Variants in CAMK2D observed in about 807,000 individuals in gnomAD.
CAMK2D encodes calcium/calmodulin dependent protein kinase II delta, also known as calcium/calmodulin-dependent protein kinase type II subunit delta.
CAMK2D carries 37 observed loss-of-function variants against 84.0 expected under a neutral mutation model. The observed-to-expected ratio is 0.44, with a 90% CI of 0.34 to 0.58. CAMK2D has a LOEUF of 0.58. Among genes scored for constraint, CAMK2D ranks in the 20% least tolerant of loss-of-function variants. CAMK2D has a pLI of 0.02. For synonymous variants in CAMK2D, 202 were observed against 212.5 expected (o/e 0.95, Z 0.43); for missense variants, 448 against 652.5 (o/e 0.69, Z 3.41).
At chr4:113,760,524 T>G in intron 1 of CAMK2D, among the ~76,000 whole-genome samples, 1 of 152,112 alleles carries the variant, frequency 6.6e-6, no homozygotes, top group East Asian at 1.9e-4. Flanking sequence ...CATCAATAAA[T>G]ATGGCACCGT....
chr4:113,571,958 A>G (rs1353829304), intron 4 of CAMK2D, among the ~76,000 whole-genome samples: 4 of 152,234 alleles, frequency 2.6e-5, no homozygotes, highest in Non-Finnish European at 5.9e-5. Flanking sequence ...ACTCTCGAAA[A>G]ACTTCAAGAG....
chr4:113,734,883 T>A, intron 2 of CAMK2D, among the ~76,000 whole-genome samples: 1 of 142,858 alleles, frequency 7.0e-6, no homozygotes, highest in Admixed American at 6.8e-5. Flanking sequence ...TACTCCTAAG[T>A]TTAGGAAAAT....
chr4:113,652,098 C>G (rs2099175454), intron 3 of CAMK2D, among the ~76,000 whole-genome samples: 2 of 152,126 alleles, frequency 1.3e-5, no homozygotes, highest in Admixed American at 1.3e-4. Flanking sequence ...CAGAGTTATA[C>G]AGCAGCGATA....
intron 2 of CAMK2D, among the ~76,000 whole-genome samples, chr4:113,668,800 T>A (rs924958536): frequency 1.3e-5 from 2 of 152,130 alleles, no homozygotes; most frequent in Non-Finnish European, 2.9e-5. Flanking sequence ...GAAAAAACTA[T>A]TATTTGTCTG....
At chr4:113,651,298 T>C (rs1029692933) in intron 3 of CAMK2D, among the ~76,000 whole-genome samples, 1 of 152,220 alleles carries the variant, frequency 6.6e-6, no homozygotes, top group Non-Finnish European at 1.5e-5. Flanking sequence ...ATGATTTTGT[T>C]AAACTGATGT....
rs921467373 is a variant in CAMK2D, at chr4:113,479,782, C to T, written c.1136-14178G>A. Among the ~76,000 whole-genome samples, 7 of 152,276 alleles carry T rather than the reference C, an allele frequency of 4.6e-5. No individual in the cohort carries two copies. The East Asian group carries it at 1.3e-3, about 29-fold the overall frequency. ...AATAGAAACGATGTTTAAAAACACA[C>T]ACACAGTTCTCTCTGGATTTATGGA... On this transcript the variant is annotated intron_variant, in intron 16 of 20. Coordinates refer to ENST00000511664, the MANE Select transcript of CAMK2D (RefSeq NM_001321571.2).
intron 2 of CAMK2D, among the ~76,000 whole-genome samples, chr4:113,697,377 G>A (rs1474352460): frequency 6.6e-6 from 1 of 152,074 alleles, no homozygotes; most frequent in Non-Finnish European, 1.5e-5. Context: ...TTGGAAAAGT[G>A]GAGGAAGAGC....
At chr4:113,509,758 C>A (rs975201602) in intron 12 of CAMK2D, 83 bp from the exon 13 acceptor site, 2 of 925,854 alleles carry the variant, frequency 2.2e-6, no homozygotes, top group Non-Finnish European at 3.5e-6. Context: ...GTTATTGTCT[C>A]CTTCTACCAC....
intron 4 of CAMK2D, among the ~76,000 whole-genome samples, chr4:113,561,634 C>G (rs1295113973): frequency 6.6e-6 from 1 of 152,156 alleles, no homozygotes. Context: ...TTAAGTCAAT[C>G]TAGACATTTT....
At chr4:113,643,088 C>A (rs1484331929) in intron 3 of CAMK2D, among the ~76,000 whole-genome samples, 1 of 152,142 alleles carries the variant, frequency 6.6e-6, no homozygotes, top group Non-Finnish European at 1.5e-5. Context: ...TCCTATAAAT[C>A]AAGATTAGAA....
intron 17 of CAMK2D, 120 bp downstream of exon 17, chr4:113,465,409 A>ATTGT: frequency 1.5e-6 from 1 of 656,492 alleles, no homozygotes. Flanking sequence ...AAATAAAACT[A>ATTGT]TTGTTAACAT....
At chr4:113,717,301 TA>T (rs1423387370) in intron 2 of CAMK2D, among the ~76,000 whole-genome samples, 1 of 152,068 alleles carries the variant, frequency 6.6e-6, no homozygotes, top group Non-Finnish European at 1.5e-5. Flanking sequence ...AAATGTTTAT[TA>T]AAAAAATAAG....
intron 13 of CAMK2D, among the ~76,000 whole-genome samples, chr4:113,505,509 T>G (rs1433749519): frequency 6.6e-6 from 1 of 152,210 alleles, no homozygotes; most frequent in African/African-American, 2.4e-5. Flanking sequence ...AGCAATTAAA[T>G]TATCCAATGA....
intron 2 of CAMK2D, among the ~76,000 whole-genome samples, chr4:113,737,146 C>T (rs962512774): frequency 2.0e-5 from 3 of 152,010 alleles, no homozygotes; most frequent in African/African-American, 7.2e-5. Flanking sequence ...TTCATTTCAT[C>T]CAATTAGAAT....
At chr4:113,514,619 AT>A (rs2098261975) in intron 10 of CAMK2D, among the ~76,000 whole-genome samples, 1 of 152,168 alleles carries the variant, frequency 6.6e-6, no homozygotes, top group Non-Finnish European at 1.5e-5. Context: ...TCTTCTTAAT[AT>A]TTCTAAAATA....
intron 4 of CAMK2D, among the ~76,000 whole-genome samples, chr4:113,595,713 G>A (rs1054376846): frequency 1.4e-4 from 22 of 152,186 alleles, no homozygotes; most frequent in African/African-American, 3.6e-4. Context: ...GTGCAATAGC[G>A]TTATCTCTAA....
rs1442549674 is a variant in CAMK2D, at chr4:113,453,764, A to G, written c.*781T>C. 1 of 152,612 alleles carries G rather than the reference A, an allele frequency of 6.6e-6. No individual in the cohort carries two copies. Among genetic ancestry groups the G allele is most frequent in the African/African-American group, 2.4e-5 (1 of 41,456 alleles). 9.5% of individuals were successfully genotyped at this position (152,612 alleles called of 1,614,324 possible). A position where few individuals can be genotyped will look rare whatever the true frequency, so the allele number is the denominator to read the frequency against. ...AAATAAGAAAGCAAACGAAAGGAAC[A>G]AAGAAACAGGATAAAGAAAAGAGAT... On this transcript the variant is annotated 3_prime_UTR_variant, in exon 21 of 21. Transcript: ENST00000511664.
rs539972300 is a variant in CAMK2D, at chr4:113,723,520, G to A, written c.160+35800C>T. 5.9e-5 allele frequency among the ~76,000 whole-genome samples: 9 copies of A among 152,110 alleles called. No individual in the cohort carries two copies. In the East Asian group the frequency reaches 9.7e-4, roughly 16 times the overall value. Reference sequence around the variant, plus strand: ...ATTACAGGCATGAGTCACTGCATCCGGCCACTTTACTAAAAATAATTGTAA... The same window carrying A: ...ATTACAGGCATGAGTCACTGCATCCAGCCACTTTACTAAAAATAATTGTAA... On this transcript the variant is annotated intron_variant, in intron 2 of 20. Coordinates refer to ENST00000511664, the MANE Select transcript of CAMK2D (RefSeq NM_001321571.2).
At chr4:113,602,573 A>G (rs13124730) in intron 4 of CAMK2D, among the ~76,000 whole-genome samples, 42,807 of 152,048 alleles carry the variant, frequency 0.28, 6,252 homozygotes, top group Middle Eastern at 0.35. Context: ...CTTTACTACA[A>G]CCAGCCATTA....
Sources: allele counts gnomAD v4.1 joint callset (sites outside exome capture counted in the v4.1 genomes callset), GRCh38; gene constraint gnomAD v4.1.1; transcripts MANE v1.5; gene names NCBI Gene and HGNC (gene_info 2026-07-23, HGNC 2026-07-21).